Variants in ERBIN observed in about 807,000 individuals in gnomAD.
ERBIN encodes the protein erbb2 interacting protein.
ERBIN carries 60 observed loss-of-function variants against 158.4 expected under a neutral mutation model. That is an observed-to-expected ratio of 0.38 (90% CI 0.31 to 0.47). The LOEUF (loss-of-function observed/expected upper bound fraction) is 0.47. Ranked by LOEUF, ERBIN falls within the 20% of genes least tolerant of loss-of-function variation. The probability of loss-of-function intolerance (pLI) is 0.99; values close to 1 mark genes in which losing one functional copy is unlikely to be tolerated. For synonymous variants in ERBIN, 594 were observed against 557.2 expected, an observed-to-expected ratio of 1.07 and a Z score of -0.93; for missense variants, 1,610 against 1,648.0, an observed-to-expected ratio of 0.98 and a Z score of 0.40.
At chr5:65,931,819 CTTTT>C (rs36048820) in intron 1 of ERBIN, among the ~76,000 whole-genome samples, 4 of 131,928 alleles carry the variant, frequency 3.0e-5, no homozygotes, top group Admixed American at 7.6e-5. Flanking sequence ...TCTTTTCTTT[CTTTT>C]TTTTTTTTTT....
chr5:65,966,791 C>T (rs535530410), intron 1 of ERBIN, among the ~76,000 whole-genome samples: 12 of 150,918 alleles, frequency 8.0e-5, no homozygotes, highest in Non-Finnish European at 1.3e-4. Flanking sequence ...ATGACAGTTC[C>T]GGTTGTGTTG....
chr5:66,036,891 T>A (rs1289784172), intron 14 of ERBIN, among the ~76,000 whole-genome samples: 1 of 152,234 alleles, frequency 6.6e-6, no homozygotes, highest in African/African-American at 2.4e-5. Context: ...CTGTTCTCAT[T>A]CCTTTTTCTG....
At chr5:66,028,246 A>G (rs765222921) in intron 13 of ERBIN, 28 bp from the exon 14 acceptor site, 2 of 1,548,904 alleles carry the variant, frequency 1.3e-6, no homozygotes, top group Non-Finnish European at 8.9e-7. Context: ...TTTAAAGTTT[A>G]ATTTTTGTTT....
chr5:65,938,788 T>C (rs1015923492), intron 1 of ERBIN, among the ~76,000 whole-genome samples: 9 of 152,044 alleles, frequency 5.9e-5, no homozygotes, highest in Non-Finnish European at 1.2e-4. Flanking sequence ...CCTGACCTTA[T>C]GATCTGCCTG....
Position 66,054,550 on chromosome 5 carries a change from A to G in ERBIN, c.3232A>G (p.Ser1078Gly), listed in dbSNP as rs1759396573. ...AACTCGAAGTACAATCCAGCGACAAAGTAGTGTGTCCTCCACAGCCTCTGT... is the reference window on the plus strand; with the variant it reads ...AACTCGAAGTACAATCCAGCGACAAGGTAGTGTGTCCTCCACAGCCTCTGT... ...AVTRSTIQRQ[S>G]SVSSTASVNL... Residue 1078 changes from serine to glycine, a missense_variant, in exon 21 of 26, where the codon AGT (serine) becomes GGT (glycine). This residue lies in a region of ERBIN where 1,014 missense variants were observed against 936.1 expected (regional missense o/e 1.08). Transcript: ENST00000284037. 6.2e-7 allele frequency: 1 copy of G among 1,614,164 alleles called. No homozygotes were observed. The highest frequency in any genetic ancestry group is 2.2e-5 in the East Asian group (1 of 44,886).
chr5:65,948,356 A>G (rs1408196769), intron 1 of ERBIN, among the ~76,000 whole-genome samples: 1 of 149,764 alleles, frequency 6.7e-6, no homozygotes, highest in African/African-American at 2.5e-5. Context: ...TTTTTTTTTT[A>G]AGTAGAGATA....
intron 1 of ERBIN, among the ~76,000 whole-genome samples, chr5:65,964,906 ATTTGTGTGTGTG>A (rs1242551391): frequency 1.5e-5 from 1 of 67,058 alleles, no homozygotes; most frequent in Non-Finnish European, 2.7e-5. Context: ...CGCCTGGCTG[ATTTGTGTGTGTG>A]TGTGTGTGTG....
chr5:66,023,118 G>GTA lies in ERBIN; in HGVS notation c.598-171_598-170dup, dbSNP rs1423631134. On this transcript the variant is annotated intron_variant, in intron 8 of 25. Transcript: ENST00000284037. The stretch of plus-strand genomic sequence containing the variant: ...ATTTTACTGTAGTAACTATAATGCA[G>GTA]TAGAAAGGCTTACATCCTGGCTCTT... 3 of 543,604 alleles carry GTA rather than the reference G, an allele frequency of 5.5e-6. No homozygotes were observed. The African/African-American group carries it at 5.9e-5, about 11-fold the overall frequency. 33.7% of individuals were successfully genotyped at this position (543,604 alleles called of 1,614,324 possible).
In ERBIN at chr5:66,032,728, G is replaced by A. The variant is rs1580412455; in HGVS notation, c.1206+4385G>A. ...GGACATTGTCATACTCTAGGCAACA[G>A]AACACGTTGCCTTGAACTAAAGTAA... On this transcript the variant is annotated intron_variant, in intron 14 of 25. Transcript: ENST00000284037. 2.0e-5 allele frequency among the ~76,000 whole-genome samples: 3 copies of A among 152,170 alleles called. No homozygotes were observed. The East Asian group carries it at 5.8e-4, about 29-fold the overall frequency.
At chr5:66,077,775 CACACACACACACACACACAT>C (rs1458012225) in intron 25 of ERBIN, among the ~76,000 whole-genome samples, 2 of 130,732 alleles carry the variant, frequency 1.5e-5, no homozygotes, top group South Asian at 2.4e-4. Context: ...CACACACACA[CACACACACACACACACACAT>C]ACACACACAC....
chr5:66,003,074 G>C (rs941277709), intron 4 of ERBIN, among the ~76,000 whole-genome samples: 1 of 152,206 alleles, frequency 6.6e-6, no homozygotes, highest in East Asian at 1.9e-4. Flanking sequence ...AATCATACAT[G>C]TGTTATCCTC....
At position 65,934,591 on chromosome 5, in the gene ERBIN, ATTC is replaced by A. The variant is rs1462509663; in HGVS notation, c.-58+7791_-58+7793del. Among the ~76,000 whole-genome samples the A allele has an allele frequency of 2.6e-5, 4 of 152,160 alleles. 1 individual carries two copies. The highest frequency in any genetic ancestry group is 7.2e-5 in the African/African-American group (3 of 41,442). ...AGGGTTATTGTAAAAGTGATGCTGC[ATTC>A]TTCTTATTACGTCTTATCAGGTGGC... On this transcript the variant is annotated intron_variant, in intron 1 of 25. Coordinates refer to ENST00000284037, the MANE Select transcript of ERBIN (RefSeq NM_001253697.2).
At chr5:65,942,676 G>C (rs1745201614) in intron 1 of ERBIN, among the ~76,000 whole-genome samples, 1 of 152,196 alleles carries the variant, frequency 6.6e-6, no homozygotes. Flanking sequence ...TGTAATCCCA[G>C]CACTTTGGGA....
At position 66,037,379 on chromosome 5, in the gene ERBIN, C is replaced by T. The variant is rs527241930; in HGVS notation, c.1207-1004C>T. Among the ~76,000 whole-genome samples, 4 of 152,146 alleles carry T rather than the reference C, an allele frequency of 2.6e-5. No homozygotes were observed. The South Asian group carries it at 6.2e-4, about 24-fold the overall frequency. On this transcript the variant is annotated intron_variant, in intron 14 of 25. Coordinates refer to ENST00000284037, the MANE Select transcript of ERBIN (RefSeq NM_001253697.2). ...AGGAATGATGTCACAGCATTGTAAG[C>T]GCTACCCTCACCTCCTGACTTGGGG...
At chr5:65,938,443 T>A (rs1368412048) in intron 1 of ERBIN, among the ~76,000 whole-genome samples, 1 of 150,188 alleles carries the variant, frequency 6.7e-6, no homozygotes, top group Non-Finnish European at 1.5e-5. Flanking sequence ...TGATCATAGC[T>A]CACTGCAGCC....
intron 16 of ERBIN, among the ~76,000 whole-genome samples, chr5:66,043,694 A>C (rs779244956): frequency 6.6e-6 from 1 of 152,162 alleles, no homozygotes; most frequent in Non-Finnish European, 1.5e-5. Context: ...TAATGAATGT[A>C]ATTATTTGCC....
chr5:66,019,991 C>A (rs1454777916), intron 7 of ERBIN, among the ~76,000 whole-genome samples: 1 of 152,016 alleles, frequency 6.6e-6, no homozygotes, highest in African/African-American at 2.4e-5. Context: ...TGATTTTATA[C>A]ATCTGGAGAA....
At chr5:66,047,609 C>G (rs1297445549) in intron 18 of ERBIN, among the ~76,000 whole-genome samples, 1 of 152,016 alleles carries the variant, frequency 6.6e-6, no homozygotes, top group African/African-American at 2.4e-5. Flanking sequence ...GCAGTACATA[C>G]TAGCTACAAG....
intron 14 of ERBIN, among the ~76,000 whole-genome samples, chr5:66,029,257 A>G (rs1185749972): frequency 6.6e-6 from 1 of 152,206 alleles, no homozygotes; most frequent in African/African-American, 2.4e-5. Flanking sequence ...GTGTGTAAGG[A>G]TTCCTTGTAA....
Sources: allele counts gnomAD v4.1 joint callset (sites outside exome capture counted in the v4.1 genomes callset), GRCh38; gene constraint gnomAD v4.1.1; regional missense constraint gnomAD v4.1.1; transcripts MANE v1.5; gene names NCBI Gene and HGNC (gene_info 2026-07-23, HGNC 2026-07-21).